The following CDH12 variants were observed in gnomAD, a reference collection of about 807,000 sequenced individuals.
The protein encoded by CDH12 is cadherin-12.
Under a neutral mutation model 74.1 loss-of-function variants are expected in CDH12, and 41 were observed. The ratio of observed to expected loss-of-function variants is 0.55; its 90% confidence interval spans 0.43 to 0.72. The LOEUF is 0.72. Ranked by LOEUF, CDH12 falls within the 30% of genes least tolerant of loss-of-function variation. The pLI, the probability that CDH12 is intolerant of heterozygous loss-of-function variation, is 0.00. For synonymous variants in CDH12, 399 were observed against 355.0 expected (o/e 1.12, Z -1.39); for missense variants, 945 against 977.2 (o/e 0.97, Z 0.44).
At chr5:22,743,004 A>G (rs2127020707) in intron 1 of CDH12, among the ~76,000 whole-genome samples, 1 of 151,514 alleles carries the variant, frequency 6.6e-6, no homozygotes, top group South Asian at 2.1e-4. Flanking sequence ...AAGCCTGAAT[A>G]GAACCAAAAG....
chr5:22,555,538 A>T (rs1223181064), intron 1 of CDH12, among the ~76,000 whole-genome samples: 1 of 152,040 alleles, frequency 6.6e-6, no homozygotes, highest in Non-Finnish European at 1.5e-5. Flanking sequence ...AAAGAAAAAA[A>T]TAGTGTCTTC....
At chr5:21,880,505 C>T (rs9292997) in intron 6 of CDH12, among the ~76,000 whole-genome samples, 1,623 of 6,004 alleles carry the variant, frequency 0.27, 132 homozygotes, top group East Asian at 0.4. Flanking sequence ...CTTCCTTCCT[C>T]CCTCCCTCCC....
chr5:21,821,228 T>TA (rs952317158), intron 8 of CDH12, among the ~76,000 whole-genome samples: 2 of 150,286 alleles, frequency 1.3e-5, no homozygotes, highest in Admixed American at 6.7e-5. Context: ...ATTGCTACTT[T>TA]AAAAAAAAAG....
chr5:22,475,913 A>AT (rs1285653030), intron 2 of CDH12, among the ~76,000 whole-genome samples: 4 of 151,992 alleles, frequency 2.6e-5, no homozygotes, highest in Non-Finnish European at 5.9e-5. Flanking sequence ...TCTAGAGATT[A>AT]TTTTTTTCTT....
chr5:22,795,836 G>C (rs1561036716), intron 1 of CDH12, among the ~76,000 whole-genome samples: 1 of 151,966 alleles, frequency 6.6e-6, no homozygotes, highest in Non-Finnish European at 1.5e-5. Context: ...AGAGTGAGAA[G>C]TGTGAATTAT....
At chr5:22,242,773 T>G (rs1752795514) in intron 3 of CDH12, among the ~76,000 whole-genome samples, 1 of 152,178 alleles carries the variant, frequency 6.6e-6, no homozygotes. Context: ...TAAGCTATTG[T>G]GCCCTCTCAA....
At chr5:22,786,443 A>C (rs1747629044) in intron 1 of CDH12, among the ~76,000 whole-genome samples, 1 of 152,186 alleles carries the variant, frequency 6.6e-6, no homozygotes, top group African/African-American at 2.4e-5. Flanking sequence ...TGTTTTTCAC[A>C]AGCTGGGCTG....
chr5:22,515,225 T>A (rs1047319017), intron 1 of CDH12, among the ~76,000 whole-genome samples: 1 of 152,160 alleles, frequency 6.6e-6, no homozygotes, highest in South Asian at 2.1e-4. Flanking sequence ...TATCCTGTCA[T>A]TGAATCGGAT....
chr5:22,380,105 G>A (rs1337274963), intron 3 of CDH12, among the ~76,000 whole-genome samples: 1 of 152,058 alleles, frequency 6.6e-6, no homozygotes, highest in Non-Finnish European at 1.5e-5. Flanking sequence ...TCAATGCTAA[G>A]GCAATATTGG....
chr5:22,313,455 T>C (rs1279636306), intron 3 of CDH12, among the ~76,000 whole-genome samples: 1 of 152,134 alleles, frequency 6.6e-6, no homozygotes, highest in Non-Finnish European at 1.5e-5. Context: ...TTATATGAAT[T>C]TAGGGTGACC....
chr5:22,088,668 A>C (rs994708027), intron 4 of CDH12, among the ~76,000 whole-genome samples: 1 of 152,134 alleles, frequency 6.6e-6, no homozygotes, highest in Non-Finnish European at 1.5e-5. Context: ...CTTTATTTGG[A>C]CAGAGTGTAA....
intron 1 of CDH12, among the ~76,000 whole-genome samples, chr5:22,837,267 TAA>T (rs926265572): frequency 2.0e-5 from 3 of 151,692 alleles, no homozygotes; most frequent in Non-Finnish European, 4.4e-5. Flanking sequence ...ACAAAAATTT[TAA>T]AAAAATTAGC....
Position 21,975,128 on chromosome 5 carries a change from T to C in CDH12, c.489A>G (p.Gly163=). The C allele has an allele frequency of 6.3e-7, 1 of 1,597,172 alleles. No individual in the cohort carries two copies. The highest frequency in any genetic ancestry group is 8.5e-7 in the Non-Finnish European group (1 of 1,179,558). ...TTTCTGGAACAGTAGCAACATAAGGTCCATCCAAAAACTTTGGCTCATTAT... is the reference window on the plus strand; with the variant it reads ...TTTCTGGAACAGTAGCAACATAAGGCCCATCCAAAAACTTTGGCTCATTAT... ...INDNEPKFLD[G]PYVATVPEMS... is the part of the protein sequence containing the mutation. The change falls in exon 6 of 15, where the codon GGA becomes GGG. Residue 163 remains glycine, a synonymous_variant. Coordinates refer to ENST00000382254, the MANE Select transcript of CDH12 (RefSeq NM_004061.5).
At chr5:21,900,217 T>C (rs564385081) in intron 6 of CDH12, among the ~76,000 whole-genome samples, 7 of 152,110 alleles carry the variant, frequency 4.6e-5, no homozygotes, top group Non-Finnish European at 1.0e-4. Flanking sequence ...TTGTGGTAGC[T>C]ATCACAGGAA....
chr5:22,109,224 A>G (rs931197412), intron 4 of CDH12, among the ~76,000 whole-genome samples: 3 of 152,180 alleles, frequency 2.0e-5, no homozygotes, highest in Non-Finnish European at 4.4e-5. Context: ...CCATGTTTTC[A>G]AGGATGGAAG....
At chr5:21,827,183 G>A (rs984726349) in intron 8 of CDH12, among the ~76,000 whole-genome samples, 1 of 152,136 alleles carries the variant, frequency 6.6e-6, no homozygotes, top group African/African-American at 2.4e-5. Flanking sequence ...CACTTCTGTT[G>A]ACTTGGTTGT....
chr5:22,800,306 G>T (rs1748444683), intron 1 of CDH12, among the ~76,000 whole-genome samples: 1 of 152,136 alleles, frequency 6.6e-6, no homozygotes, highest in Admixed American at 6.6e-5. Context: ...CTTGGTTAAA[G>T]GAGTTTTTTT....
At chr5:21,936,706 C>A (rs371717543) in intron 6 of CDH12, among the ~76,000 whole-genome samples, 1 of 152,056 alleles carries the variant, frequency 6.6e-6, no homozygotes, top group Non-Finnish European at 1.5e-5. Flanking sequence ...AATCTCAACT[C>A]GAATTGTAAT....
At chr5:22,240,474 T>C (rs967730615) in intron 3 of CDH12, among the ~76,000 whole-genome samples, 1 of 152,170 alleles carries the variant, frequency 6.6e-6, no homozygotes, top group Non-Finnish European at 1.5e-5. Flanking sequence ...TGCTGAAGAA[T>C]GTAAGCAAAA....
Sources: allele counts gnomAD v4.1 joint callset (sites outside exome capture counted in the v4.1 genomes callset), GRCh38; gene constraint gnomAD v4.1.1; transcripts MANE v1.5; gene names NCBI Gene and HGNC (gene_info 2026-07-23, HGNC 2026-07-21).